Variants in ATP11B observed in about 807,000 individuals in gnomAD.
ATP11B encodes the protein ATPase phospholipid transporting 11B (putative), also known as phospholipid-transporting ATPase IF.
ATP11B carries 81 observed loss-of-function variants against 157.8 expected under a neutral mutation model. The ratio of observed to expected loss-of-function variants is 0.51; its 90% CI spans 0.43 to 0.62. ATP11B has a LOEUF of 0.62. Among genes scored for constraint, ATP11B ranks in the 20% least tolerant of loss-of-function variants. ATP11B has a pLI of 0.00. For missense variants in ATP11B, 1,165 were observed against 1,402.2 expected (o/e 0.83, Z 2.70); for synonymous variants, 451 against 469.4 (o/e 0.96, Z 0.51).
intron 13 of ATP11B, 41 bp from the exon 14 acceptor site, chr3:182,866,227 A>G (rs1416800327): frequency 7.0e-7 from 1 of 1,434,838 alleles, no homozygotes; most frequent in South Asian, 1.5e-5. Context: ...TGGTATGTGG[A>G]AATGATATTT....
chr3:182,859,955 T>G (rs1468414049), intron 12 of ATP11B, among the ~76,000 whole-genome samples: 1 of 152,078 alleles, frequency 6.6e-6, no homozygotes, highest in Non-Finnish European at 1.5e-5. Context: ...TTCCTTTTTT[T>G]TTTTTTTGGT....
Position 182,799,567 on chromosome 3 carries a change from G to A in ATP11B, c.27+5781G>A, listed in dbSNP as rs557756002. Among the ~76,000 whole-genome samples the A allele has an allele frequency of 5.3e-5, 8 of 152,218 alleles. No individual in the cohort carries two copies. In the South Asian group the frequency reaches 1.7e-3, roughly 32 times the overall value. ...TGGGATTACAGGCGTCAGCCACCATGCCCGGCCCGAGTGCTGATCATTCTA... is the reference window on the plus strand; with the variant it reads ...TGGGATTACAGGCGTCAGCCACCATACCCGGCCCGAGTGCTGATCATTCTA... On this transcript the variant is annotated intron_variant, in intron 1 of 29. Transcript: ENST00000323116.
chr3:182,893,683 CTTCTT>C (rs1723328154), intron 25 of ATP11B, among the ~76,000 whole-genome samples: 2 of 152,258 alleles, frequency 1.3e-5, no homozygotes, highest in South Asian at 2.1e-4. Context: ...TGTATAATGA[CTTCTT>C]TTCCTCTGGG....
intron 29 of ATP11B, 25 bp from the exon 30 acceptor site, chr3:182,917,996 CAA>C: frequency 6.2e-7 from 1 of 1,609,570 alleles, no homozygotes; most frequent in Non-Finnish European, 8.5e-7. Context: ...CCTGGTGAGC[CAA>C]ACTTTTCTCT....
At chr3:182,857,789 A>G (rs1336302943) in intron 10 of ATP11B, 89 bp from the exon 11 acceptor site, 10 of 776,896 alleles carry the variant, frequency 1.3e-5, no homozygotes, top group Non-Finnish European at 2.1e-5. Context: ...ATGTTTTAAT[A>G]TCTTCTCTAA....
At chr3:182,894,659 A>G (rs1723407705) in intron 25 of ATP11B, among the ~76,000 whole-genome samples, 1 of 152,218 alleles carries the variant, frequency 6.6e-6, no homozygotes, top group South Asian at 2.1e-4. Flanking sequence ...ATGCTTTTGT[A>G]TGGCTTCTTC....
At chr3:182,890,384 T>C (rs1427714800) in intron 25 of ATP11B, among the ~76,000 whole-genome samples, 3 of 152,210 alleles carry the variant, frequency 2.0e-5, no homozygotes, top group Non-Finnish European at 2.9e-5. Context: ...TATAAAGTTT[T>C]ATCTGCTCAA....
chr3:182,869,019 C>A, intron 15 of ATP11B, 59 bp from the exon 16 acceptor site: 3 of 1,048,226 alleles, frequency 2.9e-6, no homozygotes, highest in South Asian at 3.0e-5. Context: ...TCCATATAGT[C>A]ACTTAATATT....
intron 10 of ATP11B, among the ~76,000 whole-genome samples, chr3:182,849,574 G>T (rs1159466793): frequency 2.0e-5 from 3 of 152,154 alleles, no homozygotes; most frequent in Non-Finnish European, 4.4e-5. Context: ...GGAAAACACA[G>T]CAGAGAAATG....
chr3:182,807,312 T>TG (rs1008960883), intron 1 of ATP11B, among the ~76,000 whole-genome samples: 1 of 152,082 alleles, frequency 6.6e-6, no homozygotes, highest in African/African-American at 2.4e-5. Context: ...AGTGGTATTC[T>TG]GGAGATGGTG....
intron 21 of ATP11B, 114 bp downstream of exon 21, chr3:182,881,095 A>C: frequency 1.4e-6 from 1 of 696,992 alleles, no homozygotes; most frequent in East Asian, 3.0e-5. Flanking sequence ...TTGTGAATGA[A>C]AATTGCAACA....
intron 1 of ATP11B, among the ~76,000 whole-genome samples, chr3:182,801,039 T>C (rs545087629): frequency 1.3e-5 from 2 of 152,308 alleles, no homozygotes; most frequent in African/African-American, 2.4e-5. Context: ...GGACCTCAGA[T>C]GATCAATCCA....
chr3:182,814,168 A>AT (rs1716835377), intron 1 of ATP11B, among the ~76,000 whole-genome samples: 1 of 152,064 alleles, frequency 6.6e-6, no homozygotes, highest in Non-Finnish European at 1.5e-5. Context: ...GGTTTAAGTG[A>AT]TTCTCCTGCC....
intron 12 of ATP11B, among the ~76,000 whole-genome samples, chr3:182,862,171 C>T (rs907268146): frequency 1.3e-5 from 2 of 151,664 alleles, no homozygotes; most frequent in African/African-American, 4.8e-5. Flanking sequence ...TCCCAGCTAC[C>T]TGGGAGGCTA....
chr3:182,910,073 GAAAA>G (rs34483660), intron 28 of ATP11B, among the ~76,000 whole-genome samples: 7 of 63,388 alleles, frequency 1.1e-4, no homozygotes, highest in South Asian at 6.5e-4. Context: ...TCGGCCTCCA[GAAAA>G]AAAAAAAAAA....
At chr3:182,806,670 A>G (rs574185550) in intron 1 of ATP11B, among the ~76,000 whole-genome samples, 1 of 152,198 alleles carries the variant, frequency 6.6e-6, no homozygotes, top group South Asian at 2.1e-4. Flanking sequence ...TTCAGCATTT[A>G]TTTATTATTG....
In ATP11B at chr3:182,884,910, G is replaced by A; in HGVS notation, c.2655+12G>A. Reference sequence around the variant, plus strand: ...ATTTTTTTTATAAGGTGAGTTTCATGTATTTAGAATCAATTATTGATATAG... The same window carrying A: ...ATTTTTTTTATAAGGTGAGTTTCATATATTTAGAATCAATTATTGATATAG... On this transcript the variant is annotated intron_variant, in intron 22 of 29. Coordinates refer to ENST00000323116, the MANE Select transcript of ATP11B (RefSeq NM_014616.3). 2.3e-6 allele frequency: 3 copies of A among 1,322,268 alleles called. No individual in the cohort carries two copies. The highest frequency in any genetic ancestry group is 2.1e-6 in the Non-Finnish European group (2 of 959,474). 81.9% of individuals were successfully genotyped at this position (1,322,268 alleles called of 1,614,324 possible).
At chr3:182,799,595 C>A (rs1216481888) in intron 1 of ATP11B, among the ~76,000 whole-genome samples, 1 of 152,090 alleles carries the variant, frequency 6.6e-6, no homozygotes, top group East Asian at 1.9e-4. Context: ...TCATTCTAAG[C>A]AAGATAATAT....
intron 1 of ATP11B, among the ~76,000 whole-genome samples, chr3:182,817,487 G>T (rs956083956): frequency 2.0e-5 from 3 of 152,042 alleles, no homozygotes; most frequent in African/African-American, 4.8e-5. Flanking sequence ...CACCATGTTG[G>T]CCAGGACAGT....
Sources: allele counts gnomAD v4.1 joint callset (sites outside exome capture counted in the v4.1 genomes callset), GRCh38; gene constraint gnomAD v4.1.1; transcripts MANE v1.5; gene names NCBI Gene and HGNC (gene_info 2026-07-23, HGNC 2026-07-21).